The following PEPD variants were observed in gnomAD, a reference collection of about 807,000 sequenced individuals.
The protein encoded by PEPD is peptidase D, also known as xaa-Pro dipeptidase.
PEPD carries 53 observed loss-of-function variants against 60.7 expected under a neutral mutation model. That is an observed-to-expected ratio of 0.87 (90% confidence interval 0.70 to 1.10). PEPD has a LOEUF of 1.10. Among genes scored for constraint, PEPD ranks in the 50% least tolerant of loss-of-function variants. The probability of loss-of-function intolerance (pLI) is 0.00; values close to 1 mark genes in which losing one functional copy is unlikely to be tolerated. For missense variants in PEPD, 711 were observed against 711.9 expected (o/e 1.00, Z 0.01); for synonymous variants, 267 against 284.1 (o/e 0.94, Z 0.60).
At chr19:33,447,515 G>A (rs1017677157) in intron 9 of PEPD, among the ~76,000 whole-genome samples, 2 of 152,234 alleles carry the variant, frequency 1.3e-5, no homozygotes, top group Non-Finnish European at 2.9e-5. Flanking sequence ...GGGCAGGGGC[G>A]TGCTAGCCCA....
intron 1 of PEPD, among the ~76,000 whole-genome samples, chr19:33,519,361 C>G (rs1373267556): frequency 2.0e-5 from 3 of 152,224 alleles, no homozygotes; most frequent in Non-Finnish European, 4.4e-5. Context: ...ATGGGGCACA[C>G]CCCAGTCACC....
intron 4 of PEPD, among the ~76,000 whole-genome samples, chr19:33,493,616 G>A (rs967303525): frequency 7.2e-5 from 11 of 152,050 alleles, no homozygotes; most frequent in African/African-American, 2.7e-4. Context: ...ACAGATCCCT[G>A]GCTCCAAGCA....
chr19:33,415,182 T>C (rs1274212346), intron 9 of PEPD, among the ~76,000 whole-genome samples: 1 of 152,146 alleles, frequency 6.6e-6, no homozygotes, highest in Non-Finnish European at 1.5e-5. Context: ...CTTTGTGAGA[T>C]GTGGTCCTGC....
chr19:33,428,242 C>T (rs1454115552), intron 9 of PEPD, among the ~76,000 whole-genome samples: 1 of 152,204 alleles, frequency 6.6e-6, no homozygotes, highest in East Asian at 1.9e-4. Flanking sequence ...GAGTCACGCC[C>T]GTGGATGCCG....
chr19:33,437,078 G>A (rs1190453088), intron 9 of PEPD, among the ~76,000 whole-genome samples: 3 of 152,100 alleles, frequency 2.0e-5, no homozygotes, highest in African/African-American at 4.8e-5. Context: ...CAGGGGCCAC[G>A]GGAGAAGCAA....
At chr19:33,392,692 G>A (rs976681374) in intron 12 of PEPD, among the ~76,000 whole-genome samples, 1 of 152,244 alleles carries the variant, frequency 6.6e-6, no homozygotes, top group Admixed American at 6.5e-5. Flanking sequence ...CCTTGGCGCA[G>A]AGCCAGAGCC....
At chr19:33,493,711 A>C (rs1312393679) in intron 4 of PEPD, among the ~76,000 whole-genome samples, 1 of 151,916 alleles carries the variant, frequency 6.6e-6, no homozygotes, top group Non-Finnish European at 1.5e-5. Context: ...GGAACCCTTT[A>C]GGCTCCAGGC....
At position 33,482,551 on chromosome 19, in the gene PEPD, C is replaced by T. The variant is rs552871466; in HGVS notation, c.504-4461G>A. On this transcript the variant is annotated intron_variant, in intron 6 of 14. Transcript: ENST00000244137. ...AAGATGAGGAACAATGCAAGCATGT[C>T]TGCTGTCTCCAATTCTATTCAACTC... Among the ~76,000 whole-genome samples, 9 of 152,304 alleles carry T rather than the reference C, an allele frequency of 5.9e-5. 1 individual carries two copies. The East Asian group carries it at 1.5e-3, about 26-fold the overall frequency.
At chr19:33,458,542 T>G (rs1464622495) in intron 9 of PEPD, among the ~76,000 whole-genome samples, 1 of 147,284 alleles carries the variant, frequency 6.8e-6, no homozygotes, top group African/African-American at 2.5e-5. Flanking sequence ...GTGGTGTGTG[T>G]GTGGTGTGGG....
chr19:33,412,777 C>T (rs1251214871), intron 10 of PEPD, among the ~76,000 whole-genome samples: 1 of 152,234 alleles, frequency 6.6e-6, no homozygotes, highest in Non-Finnish European at 1.5e-5. Flanking sequence ...GGCAGAGCTG[C>T]CTGGCTCCAT....
At chr19:33,418,771 G>A (rs895785386) in intron 9 of PEPD, among the ~76,000 whole-genome samples, 4 of 152,144 alleles carry the variant, frequency 2.6e-5, no homozygotes, top group African/African-American at 4.8e-5. Context: ...CCAGCATGAC[G>A]ACAAACACAG....
At chr19:33,488,273 C>A (rs1383143712) in intron 6 of PEPD, among the ~76,000 whole-genome samples, 1 of 152,168 alleles carries the variant, frequency 6.6e-6, no homozygotes, top group Non-Finnish European at 1.5e-5. Context: ...TCACTGAGCA[C>A]CAGCTCTGTG....
chr19:33,521,601 C>A, intron 1 of PEPD, 143 bp downstream of exon 1: 1 of 897,712 alleles, frequency 1.1e-6, no homozygotes, highest in Non-Finnish European at 1.8e-6. Context: ...CGCCGACCGG[C>A]GCTGGGACTC....
rs543736534 is a variant in PEPD at position 33,390,488 on chromosome 19, C to G, written c.1152+807G>C. Reference sequence around the variant, plus strand: ...ATCATTCTTAGTGCTTTCAAAACACCCTGCAGCCAAGAGGCTGAGCCTTGT... The same window carrying G: ...ATCATTCTTAGTGCTTTCAAAACACGCTGCAGCCAAGAGGCTGAGCCTTGT... On this transcript the variant is annotated intron_variant, in intron 13 of 14. Coordinates refer to ENST00000244137, the MANE Select transcript of PEPD (RefSeq NM_000285.4). Among the ~76,000 whole-genome samples, 271 of 152,362 alleles carry G rather than the reference C, an allele frequency of 1.8e-3. 2 individuals are homozygous for G. The highest frequency in any genetic ancestry group is 6.3e-3 in the African/African-American group (264 of 41,582).
intron 4 of PEPD, among the ~76,000 whole-genome samples, chr19:33,499,176 G>T (rs1194606308): frequency 6.6e-6 from 1 of 152,176 alleles, no homozygotes; most frequent in Admixed American, 6.5e-5. Context: ...GGATCAATAT[G>T]ATAGGTCACA....
rs757138424 is a variant in PEPD at position 33,436,116 on chromosome 19, G to C, written c.672-22473C>G. On this transcript the variant is annotated intron_variant, in intron 9 of 14. Transcript: ENST00000244137. ...AGCAGAGGAGTGGGAGGAGGAGAGCGGGGAGAAAAGAAGGGAGAAGGGAGG... is the reference window on the plus strand; with the variant it reads ...AGCAGAGGAGTGGGAGGAGGAGAGCCGGGAGAAAAGAAGGGAGAAGGGAGG... 2.6e-5 allele frequency among the ~76,000 whole-genome samples: 4 copies of C among 151,924 alleles called. No homozygotes were observed. The South Asian group carries it at 6.2e-4, about 24-fold the overall frequency.
intron 9 of PEPD, among the ~76,000 whole-genome samples, chr19:33,414,906 T>A (rs1384901847): frequency 6.6e-6 from 1 of 152,186 alleles, no homozygotes; most frequent in Non-Finnish European, 1.5e-5. Flanking sequence ...GAAAGCCACA[T>A]GCTCCTCTCC....
chr19:33,393,329 A>G (rs1007775683), intron 12 of PEPD, among the ~76,000 whole-genome samples: 1 of 150,860 alleles, frequency 6.6e-6, no homozygotes, highest in Non-Finnish European at 1.5e-5. Context: ...GAGCCCGGGC[A>G]GACCTGGGGC....
chr19:33,438,523 G>C (rs1969422811), intron 9 of PEPD, among the ~76,000 whole-genome samples: 1 of 152,262 alleles, frequency 6.6e-6, no homozygotes, highest in South Asian at 2.1e-4. Context: ...CTTGCCAACG[G>C]TGAGTGTTTC....
Sources: allele counts gnomAD v4.1 joint callset (sites outside exome capture counted in the v4.1 genomes callset), GRCh38; gene constraint gnomAD v4.1.1; transcripts MANE v1.5; gene names NCBI Gene and HGNC (gene_info 2026-07-23, HGNC 2026-07-21).